LMNTD1: variants seen among roughly 807,000 people sequenced by gnomAD.
LMNTD1 encodes the protein lamin tail domain containing 1, also known as lamin tail domain-containing protein 1.
In LMNTD1, 35 loss-of-function variants were observed where a neutral mutation model predicts 50.9. The ratio of observed to expected loss-of-function variants is 0.69; its 90% CI spans 0.53 to 0.91. The LOEUF is 0.91. Among genes scored for constraint, LMNTD1 ranks in the 40% least tolerant of loss-of-function variants. The pLI is 0.00. For synonymous variants in LMNTD1, 153 were observed against 161.9 expected, an observed-to-expected ratio of 0.94 and a Z score of 0.42; for missense variants, 470 against 475.5, an observed-to-expected ratio of 0.99 and a Z score of 0.11.
intron 1 of LMNTD1, among the ~76,000 whole-genome samples, chr12:25,637,004 G>C (rs1321507438): frequency 6.1e-5 from 9 of 147,736 alleles, no homozygotes; most frequent in African/African-American, 2.2e-4. Context: ...ATGGGAGGGG[G>C]GTGAGGGATA....
At chr12:25,528,884 C>T (rs979760462) in intron 4 of LMNTD1, among the ~76,000 whole-genome samples, 4 of 152,088 alleles carry the variant, frequency 2.6e-5, no homozygotes, top group Non-Finnish European at 5.9e-5. Context: ...GAGGGGCTAC[C>T]ACCTTAAAAA....
intron 8 of LMNTD1, among the ~76,000 whole-genome samples, chr12:25,506,239 T>C (rs558450393): frequency 1.3e-3 from 196 of 152,340 alleles, no homozygotes; most frequent in African/African-American, 4.6e-3. Context: ...TTTCTAGCAG[T>C]TAGTTTTTCA....
Position 25,624,834 on chromosome 12 carries a change from A to G in LMNTD1, c.58+23660T>C, listed in dbSNP as rs11614261. On this transcript the variant is annotated intron_variant, in intron 1 of 7. Transcript: ENST00000445693. ...CCAGGCCACAAAATCACTTCTACAA[A>G]TAAGTTACTGTTATCCTCCCTCTAA... Among the ~76,000 whole-genome samples, 874 of 152,346 alleles carry G rather than the reference A, an allele frequency of 5.7e-3. 12 individuals carry two copies. Among genetic ancestry groups the G allele is most frequent in the South Asian group, 0.044 (211 of 4,828 alleles).
intron 4 of LMNTD1, among the ~76,000 whole-genome samples, chr12:25,532,347 A>T (rs1942282297): frequency 6.6e-6 from 1 of 152,204 alleles, no homozygotes; most frequent in Non-Finnish European, 1.5e-5. Context: ...TTTTGCATAT[A>T]GACTTACTCT....
chr12:25,517,697 T>C (rs1940894871), intron 8 of LMNTD1, among the ~76,000 whole-genome samples: 1 of 134,554 alleles, frequency 7.4e-6, no homozygotes, highest in African/African-American at 2.8e-5. Flanking sequence ...CCCTAAAACT[T>C]AAAGTGTAAG....
chr12:25,554,639 T>A (rs1010291669), upstream of LMNTD1, among the ~76,000 whole-genome samples: 8 of 152,262 alleles, frequency 5.3e-5, 1 homozygote, highest in Admixed American at 3.9e-4. Flanking sequence ...TCGGGTCGGG[T>A]ATTAGTGGCA....
intron 1 of LMNTD1, among the ~76,000 whole-genome samples, chr12:25,625,060 T>C (rs1485638929): frequency 1.3e-5 from 2 of 152,150 alleles, no homozygotes; most frequent in East Asian, 3.8e-4. Flanking sequence ...ACCAGACACA[T>C]ACATGCACAC....
At chr12:25,491,456 G>A (rs995428466) in intron 9 of LMNTD1, among the ~76,000 whole-genome samples, 12 of 152,222 alleles carry the variant, frequency 7.9e-5, no homozygotes, top group African/African-American at 2.9e-4. Flanking sequence ...ATGGAGCAAC[G>A]TAACGTGCCT....
chr12:25,581,484 A>G (rs1447239754), intron 1 of LMNTD1, among the ~76,000 whole-genome samples: 1 of 152,180 alleles, frequency 6.6e-6, no homozygotes, highest in African/African-American at 2.4e-5. Flanking sequence ...GAAATTGAGC[A>G]CCTCTAAATC....
intron 1 of LMNTD1, among the ~76,000 whole-genome samples, chr12:25,559,007 TCCC>T (rs1447922551): frequency 6.6e-6 from 1 of 151,580 alleles, no homozygotes; most frequent in Non-Finnish European, 1.5e-5. Flanking sequence ...AGAATGCTAA[TCCC>T]CCAATTTTAT....
intron 1 of LMNTD1, among the ~76,000 whole-genome samples, chr12:25,627,752 A>C (rs1946622711): frequency 6.6e-6 from 1 of 152,228 alleles, no homozygotes; most frequent in Non-Finnish European, 1.5e-5. Flanking sequence ...GCACATATTC[A>C]TGAACATGAA....
At chr12:25,495,680 C>T (rs1939037773) in intron 9 of LMNTD1, among the ~76,000 whole-genome samples, 1 of 152,142 alleles carries the variant, frequency 6.6e-6, no homozygotes, top group African/African-American at 2.4e-5. Flanking sequence ...TGAACATCAA[C>T]ATTTAGGCAG....
intron 9 of LMNTD1, among the ~76,000 whole-genome samples, chr12:25,492,939 A>G (rs1164664388): frequency 6.6e-6 from 1 of 152,344 alleles, no homozygotes; most frequent in East Asian, 1.9e-4. Flanking sequence ...ACGTACCAAC[A>G]TAAATGACCA....
chr12:25,575,165 G>C (rs559566996), intron 1 of LMNTD1, among the ~76,000 whole-genome samples: 22 of 152,026 alleles, frequency 1.4e-4, no homozygotes, highest in Non-Finnish European at 2.9e-4. Flanking sequence ...CCCCAAAATA[G>C]GGAGTCTAAT....
chr12:25,618,412 CAGAT>C (rs1163044515), intron 1 of LMNTD1, among the ~76,000 whole-genome samples: 1 of 152,164 alleles, frequency 6.6e-6, no homozygotes, highest in East Asian at 1.9e-4. Flanking sequence ...TTTTAAGGGA[CAGAT>C]AGAAGAATTT....
intron 7 of LMNTD1, 73 bp from the exon 8 acceptor site, chr12:25,519,040 T>A: frequency 7.2e-7 from 1 of 1,381,316 alleles, no homozygotes; most frequent in Non-Finnish European, 1.0e-6. Flanking sequence ...AAGGCACAAT[T>A]AAAGGGGAAG....
intron 1 of LMNTD1, among the ~76,000 whole-genome samples, chr12:25,611,719 C>T (rs1946248952): frequency 6.6e-6 from 1 of 152,186 alleles, no homozygotes; most frequent in South Asian, 2.1e-4. Flanking sequence ...ATGAGTACTG[C>T]TAAAATATTT....
At chr12:25,476,723 A>G (rs992463871) in intron 9 of LMNTD1, among the ~76,000 whole-genome samples, 3 of 152,104 alleles carry the variant, frequency 2.0e-5, no homozygotes, top group African/African-American at 7.2e-5. Flanking sequence ...CCCAGTTTTG[A>G]CCTTGACTTC....
intron 9 of LMNTD1, among the ~76,000 whole-genome samples, chr12:25,489,423 G>T (rs112804475): frequency 0.24 from 35,520 of 145,480 alleles, 4,671 homozygotes; most frequent in Middle Eastern, 0.33. Context: ...TATTTGACTC[G>T]GAAAGGGAAC....
Sources: gnomAD v4.1 joint callset for allele counts (sites outside exome capture counted in the v4.1 genomes callset) on GRCh38, gnomAD v4.1.1 for gene constraint, MANE v1.5 for transcripts, NCBI Gene and HGNC (gene_info 2026-07-23, HGNC 2026-07-21) for gene names.